The following GLI3 variants were observed in gnomAD, a reference collection of about 807,000 sequenced individuals.
The protein encoded by GLI3 is transcription activator GLI3.
A neutral mutation model predicts 100.8 loss-of-function variants in GLI3; 20 were observed. That is an observed-to-expected ratio of 0.20 (90% confidence interval 0.14 to 0.29). The LOEUF (loss-of-function observed/expected upper bound fraction) is 0.29, where lower values mean the gene tolerates loss of function less well. GLI3 is among the 10% of genes least tolerant of loss of function. The probability of loss-of-function intolerance (pLI) is 1.00; values close to 1 mark genes in which losing one functional copy is unlikely to be tolerated. For missense variants in GLI3, 2,040 were observed against 2,128.5 expected, an observed-to-expected ratio of 0.96 and a Z score of 0.82; for synonymous variants, 938 against 860.5, an observed-to-expected ratio of 1.09 and a Z score of -1.58.
At chr7:41,994,260 C>T (rs541363228) in intron 10 of GLI3, among the ~76,000 whole-genome samples, 5 of 152,186 alleles carry the variant, frequency 3.3e-5, no homozygotes, top group Non-Finnish European at 7.3e-5. Flanking sequence ...TTCTTGTGGA[C>T]AGTTTGCACA....
At chr7:42,194,619 G>A (rs190732269) in intron 2 of GLI3, among the ~76,000 whole-genome samples, 10 of 152,116 alleles carry the variant, frequency 6.6e-5, no homozygotes, top group Admixed American at 5.2e-4. Context: ...CTTAGCGAAC[G>A]GCATTCCATC....
At position 41,972,450 on chromosome 7, in the gene GLI3, A is replaced by C. The variant is rs1562664140; in HGVS notation, c.1990T>G (p.Ser664Ala). 3.1e-6 allele frequency: 5 copies of C among 1,609,782 alleles called. No homozygotes were observed. The highest frequency in any genetic ancestry group is 4.2e-6 in the Non-Finnish European group (5 of 1,179,318). The change falls in exon 13 of 15, where the codon TCG becomes GCG. Residue 664 changes from serine (S) to alanine (A), a missense_variant. By Grantham distance (99) the Ser-to-Ala change is moderately conservative. Coordinates refer to ENST00000395925, the MANE Select transcript of GLI3 (RefSeq NM_000168.6). The surrounding 1 kb of genome is among the most constrained non-coding windows in gnomAD (Gnocchi z 4.4). ...RDSGSHSQSR[S>A]PGRPTQGALG... ...GCTCCCTGAGTCGGTCGGCCAGGCG[A>C]CCTGGACTGTGAATGGCTGCCGGAA...
chr7:41,977,009 A>G (rs987058922), intron 12 of GLI3, among the ~76,000 whole-genome samples: 1 of 152,240 alleles, frequency 6.6e-6, no homozygotes, highest in Admixed American at 6.5e-5. Flanking sequence ...TGGGTTTCTG[A>G]GACCATTTTC....
chr7:42,217,149 CACAGT>C (rs999437287), intron 2 of GLI3, among the ~76,000 whole-genome samples: 2 of 152,142 alleles, frequency 1.3e-5, no homozygotes, highest in East Asian at 3.9e-4. Flanking sequence ...GTTTTCACCA[CACAGT>C]ACAGTAGGTT....
intron 14 of GLI3, among the ~76,000 whole-genome samples, chr7:41,967,137 T>C (rs2128706638): frequency 6.6e-6 from 1 of 152,294 alleles, no homozygotes; most frequent in Admixed American, 6.5e-5. Context: ...AGGCAAGAGC[T>C]TCACCCCTTA....
chr7:42,061,507 T>G (rs925908931), intron 4 of GLI3, among the ~76,000 whole-genome samples: 1 of 152,172 alleles, frequency 6.6e-6, no homozygotes, highest in African/African-American at 2.4e-5. Flanking sequence ...TCATTAGTGA[T>G]TCAATAACTC....
intron 4 of GLI3, among the ~76,000 whole-genome samples, chr7:42,068,749 T>C (rs1784725784): frequency 6.6e-6 from 1 of 152,056 alleles, no homozygotes; most frequent in Non-Finnish European, 1.5e-5. Flanking sequence ...TGGCATGTCT[T>C]TGTTTAGGTG....
intron 2 of GLI3, among the ~76,000 whole-genome samples, chr7:42,217,417 G>C (rs1788399691): frequency 6.6e-6 from 1 of 152,166 alleles, no homozygotes; most frequent in Non-Finnish European, 1.5e-5. Context: ...TCATCAGTTA[G>C]TTGGTTTAGA....
Position 41,965,447 on chromosome 7 carries a change from G to A in GLI3, c.3626C>T (p.Pro1209Leu), listed in dbSNP as rs376682835. ...CCCGAGGGTCTGATAGCCCCCAGCA[G>A]GCCCGCTCCTCAAGGGGTTCTGCGG... ...VHPQNPLRSGPAGGYQTLGEN... is the reference protein window; with the variant it reads ...VHPQNPLRSGLAGGYQTLGEN... Residue 1209 changes from proline to leucine, a missense_variant, in exon 15 of 15, where the codon CCT becomes CTT. Pro to Leu is a moderately conservative substitution (Grantham distance 98, BLOSUM62 -3). Transcript: ENST00000395925. 8.7e-6 allele frequency: 14 copies of A among 1,608,052 alleles called. No individual in the cohort carries two copies. In the African/African-American group the frequency reaches 1.7e-4, roughly 20 times the overall value.
chr7:42,250,554 CA>C (rs1016613194), intron 1 of GLI3, among the ~76,000 whole-genome samples: 7 of 152,170 alleles, frequency 4.6e-5, no homozygotes, highest in African/African-American at 1.7e-4. Context: ...GGGCCCAATC[CA>C]ACTGACCTCC....
intron 10 of GLI3, among the ~76,000 whole-genome samples, chr7:42,018,322 T>C (rs565933176): frequency 5.3e-5 from 8 of 152,248 alleles, no homozygotes; most frequent in African/African-American, 1.9e-4. Flanking sequence ...GAAAATAAGA[T>C]CAAAATCTCC....
Position 42,040,169 on chromosome 7 carries a change from G to A in GLI3, c.897C>T (p.Leu299=), listed in dbSNP as rs1003097045. ...SRKRTLSISP[L]SDHSFDLQTM... is the part of the protein sequence containing the mutation. ...TCTGAAGGTCAAAGCTATGATCGGA[G>A]AGTGGTGATATGGACAGTGTACGTT... The change falls in exon 7 of 15, where the codon CTC becomes CTT. Residue 299 remains leucine (L), a synonymous_variant. Transcript: ENST00000395925. The A allele has an allele frequency of 3.1e-6, 5 of 1,613,722 alleles. No individual in the cohort carries two copies. The African/African-American group carries it at 6.7e-5, about 22-fold the overall frequency.
At chr7:42,172,588 G>C (rs1460153996) in intron 2 of GLI3, 1 of 703,000 alleles carries the variant, frequency 1.4e-6, no homozygotes, top group South Asian at 1.5e-5. Context: ...CATCCAAGAG[G>C]ATCTGTGGCT....
intron 3 of GLI3, among the ~76,000 whole-genome samples, chr7:42,083,186 C>T (rs528868005): frequency 2.0e-5 from 3 of 152,188 alleles, no homozygotes; most frequent in Non-Finnish European, 4.4e-5. Flanking sequence ...CCACTCCCTG[C>T]TCAACCCCCA....
intron 2 of GLI3, among the ~76,000 whole-genome samples, chr7:42,189,605 C>T (rs1357682415): frequency 2.0e-5 from 3 of 152,088 alleles, no homozygotes; most frequent in Admixed American, 6.5e-5. Flanking sequence ...TATCTTCAAG[C>T]ATGTAAAAGA....
chr7:42,108,416 G>A (rs1785626802), intron 3 of GLI3, among the ~76,000 whole-genome samples: 1 of 152,118 alleles, frequency 6.6e-6, no homozygotes, highest in African/African-American at 2.4e-5. Context: ...TGCCTCTTCT[G>A]GGGAGACCTA....
At chr7:42,190,102 C>G (rs76100967) in intron 2 of GLI3, among the ~76,000 whole-genome samples, 9,105 of 147,102 alleles carry the variant, frequency 0.062, 309 homozygotes, top group African/African-American at 0.087. Context: ...TCATTTTATG[C>G]AGTAACAAAG....
At chr7:42,028,625 G>T (rs1192297151) in intron 7 of GLI3, among the ~76,000 whole-genome samples, 3 of 151,968 alleles carry the variant, frequency 2.0e-5, no homozygotes, top group Admixed American at 2.0e-4. Context: ...TTAGCCAGGC[G>T]TGATGGCATG....
intron 3 of GLI3, among the ~76,000 whole-genome samples, chr7:42,113,201 G>A (rs2128767358): frequency 6.6e-6 from 1 of 152,212 alleles, no homozygotes; most frequent in African/African-American, 2.4e-5. Flanking sequence ...CCCAAGGAAT[G>A]CCAGGGATGC....
Sources: allele counts gnomAD v4.1 joint callset (sites outside exome capture counted in the v4.1 genomes callset), GRCh38; gene constraint gnomAD v4.1.1; non-coding constraint Gnocchi (gnomAD v3.1); transcripts MANE v1.5; gene names NCBI Gene and HGNC (gene_info 2026-07-23, HGNC 2026-07-21).